Variants in PSEN2 observed in about 807,000 individuals in gnomAD.
The protein encoded by PSEN2 is presenilin 2.
PSEN2 carries 32 observed loss-of-function variants against 49.1 expected under a neutral mutation model. The observed-to-expected ratio is 0.65, with a 90% CI of 0.49 to 0.88. The LOEUF is 0.88. Ranked by LOEUF, PSEN2 falls within the 40% of genes least tolerant of loss-of-function variation. The probability of loss-of-function intolerance (pLI) is 0.00; values close to 1 mark genes in which losing one functional copy is unlikely to be tolerated. For missense variants in PSEN2, 522 were observed against 586.9 expected (o/e 0.89, Z 1.14); for synonymous variants, 255 against 244.0 (o/e 1.05, Z -0.42).
chr1:226,875,660 C>T (rs1011664548), intron 3 of PSEN2, 110 bp downstream of exon 3: 4 of 152,184 alleles, frequency 2.6e-5, no homozygotes, highest in African/African-American at 9.7e-5. Context: ...AAATCTGTTT[C>T]TTACCTAGTT....
intron 3 of PSEN2, among the ~76,000 whole-genome samples, chr1:226,879,533 TC>T (rs1361489586): frequency 1.3e-5 from 2 of 152,260 alleles, no homozygotes; most frequent in East Asian, 3.9e-4. Context: ...TCCTACCAGG[TC>T]CCCACACTTG....
rs1229318096 is a variant in PSEN2, at chr1:226,895,698, C to T, written c.*119C>T. The T allele has an allele frequency of 4.7e-6, 6 of 1,270,950 alleles. No homozygotes were observed. The highest frequency in any genetic ancestry group is 2.5e-5 in the East Asian group (1 of 39,332). The allele number at this position is 1,270,950 out of a possible 1,614,324, so 78.7% of individuals were successfully genotyped here. A position where few individuals can be genotyped will look rare whatever the true frequency, so the allele number is the denominator to read the frequency against. On this transcript the variant is annotated 3_prime_UTR_variant, in exon 13 of 13. Coordinates refer to ENST00000366783, the MANE Select transcript of PSEN2 (RefSeq NM_000447.3). Reference sequence around the variant, plus strand: ...TTTTCTTTCCTTAAAAAATAAAGTACGTGTTTACTTGGTGAGGAGGAGGCA... The same window carrying T: ...TTTTCTTTCCTTAAAAAATAAAGTATGTGTTTACTTGGTGAGGAGGAGGCA...
At chr1:226,897,587 C>G (rs781039415), downstream of PSEN2, 3 of 155,030 alleles carry the variant, frequency 1.9e-5, no homozygotes, top group Non-Finnish European at 2.9e-5. Context: ...ACACAAATGG[C>G]AAAGAAGAAA....
chr1:226,878,782 G>A (rs1026840681), intron 3 of PSEN2, among the ~76,000 whole-genome samples: 3 of 152,188 alleles, frequency 2.0e-5, no homozygotes, highest in African/African-American at 7.2e-5. Flanking sequence ...ACTAGAAAAG[G>A]AGGTATTAAA....
At chr1:226,891,578 G>A (rs987514889) in intron 10 of PSEN2, among the ~76,000 whole-genome samples, 165 bp from the exon 11 acceptor site, 14 of 152,170 alleles carry the variant, frequency 9.2e-5, no homozygotes, top group African/African-American at 3.1e-4. Context: ...TCTGCTGGGC[G>A]TGGGTGGGTG....
chr1:226,888,195 C>T (rs200361682), intron 7 of PSEN2, 37 bp downstream of exon 7: 6 of 1,553,256 alleles, frequency 3.9e-6, no homozygotes, highest in Admixed American at 3.3e-5. Context: ...CCTGGGAGCC[C>T]CTCTCCATGT....
intron 12 of PSEN2, 51 bp from the exon 13 acceptor site, chr1:226,895,373 C>T: frequency 6.2e-7 from 1 of 1,609,126 alleles, no homozygotes. Context: ...ACTCACAGCT[C>T]CTGTCCACAC....
chr1:226,896,935 T>C (rs1432406271), downstream of PSEN2, among the ~76,000 whole-genome samples: 1 of 152,120 alleles, frequency 6.6e-6, no homozygotes, highest in Non-Finnish European at 1.5e-5. Flanking sequence ...GCATCTTTAT[T>C]ATGAGAGGAA....
In PSEN2 at chr1:226,885,599, C is replaced by T. The variant is rs773059327; in HGVS notation, c.418C>T (p.Leu140=). The T allele has an allele frequency of 4.3e-6, 7 of 1,613,868 alleles. No individual in the cohort carries two copies. The South Asian group carries it at 6.6e-5, about 15-fold the overall frequency. Residue 140 remains leucine (L), a synonymous_variant, in exon 6 of 13, where the codon CTG becomes TTG. Transcript: ENST00000366783. ...GGGCCAGCGCCTCCTCAACTCCGTG[C>T]TGAACACCCTCATCATGATCAGCGT... ...SVGQRLLNSV[L]NTLIMISVIV... is the part of the protein sequence containing the mutation.
chr1:226,878,878 C>T (rs1458575785), intron 3 of PSEN2, among the ~76,000 whole-genome samples: 1 of 152,192 alleles, frequency 6.6e-6, no homozygotes, highest in African/African-American at 2.4e-5. Context: ...TGCAGCAACT[C>T]TTTGTTGTGG....
At chr1:226,878,268 C>T (rs912455056) in intron 3 of PSEN2, among the ~76,000 whole-genome samples, 108 of 152,108 alleles carry the variant, frequency 7.1e-4, no homozygotes, top group Middle Eastern at 6.8e-3. Flanking sequence ...TTATTAGAGA[C>T]GGGGTTTCCC....
intron 6 of PSEN2, 110 bp downstream of exon 6, chr1:226,885,789 T>C: frequency 7.3e-7 from 1 of 1,377,932 alleles, no homozygotes; most frequent in Non-Finnish European, 1.0e-6. Flanking sequence ...TAGAGGAAAA[T>C]AGACCCAGAT....
At position 226,891,264 on chromosome 1, in the gene PSEN2, T is replaced by G; in HGVS notation, c.887-14T>G. 6.2e-7 allele frequency: 1 copy of G among 1,612,828 alleles called. No individual in the cohort carries two copies. The highest frequency in any genetic ancestry group is 8.5e-7 in the Non-Finnish European group (1 of 1,179,574). ...TAGCACCGCCTGAGATGTGAACCTT[T>G]TCTCCTCCCCCAGCTGCCATGGTGT... On this transcript the variant is annotated splice_polypyrimidine_tract_variant and intron_variant, in intron 9 of 12. Transcript: ENST00000366783.
At chr1:226,892,166 A>G (rs930377157) in intron 11 of PSEN2, among the ~76,000 whole-genome samples, 7 of 149,854 alleles carry the variant, frequency 4.7e-5, no homozygotes, top group African/African-American at 1.7e-4. Context: ...GAAGGGGGCC[A>G]TGGGGTTGGG....
intron 11 of PSEN2, 75 bp downstream of exon 11, chr1:226,891,919 G>A (rs997925982): frequency 2.2e-6 from 3 of 1,370,146 alleles, no homozygotes; most frequent in Middle Eastern, 1.9e-4. Flanking sequence ...GCTCCCTGCA[G>A]CCTGGGTGGA....
chr1:226,888,741 G>A (rs1055928203), intron 7 of PSEN2, 88 bp from the exon 8 acceptor site: 17 of 1,133,910 alleles, frequency 1.5e-5, no homozygotes, highest in Non-Finnish European at 2.3e-5. Context: ...TTAGTAAAGA[G>A]GGCCAGGTTG....
downstream of PSEN2, among the ~76,000 whole-genome samples, chr1:226,901,034 G>A (rs571461540): frequency 3.9e-5 from 6 of 152,264 alleles, no homozygotes; most frequent in East Asian, 1.9e-4. Flanking sequence ...ATAAGCCCAC[G>A]GTATGTGGTT....
chr1:226,896,940 G>A (rs1662171011), downstream of PSEN2, among the ~76,000 whole-genome samples: 1 of 152,186 alleles, frequency 6.6e-6, no homozygotes, highest in African/African-American at 2.4e-5. Context: ...TTTATTATGA[G>A]AGGAATGAGA....
intron 9 of PSEN2, 63 bp from the exon 10 acceptor site, chr1:226,891,215 C>G (rs910000747): frequency 1.4e-6 from 2 of 1,469,514 alleles, no homozygotes; most frequent in South Asian, 1.2e-5. Flanking sequence ...GCCACCTCCC[C>G]CAGGCCCTGC....
Sources: allele counts gnomAD v4.1 joint callset (sites outside exome capture counted in the v4.1 genomes callset), GRCh38; gene constraint gnomAD v4.1.1; transcripts MANE v1.5; gene names NCBI Gene and HGNC (gene_info 2026-07-23, HGNC 2026-07-21).